RIN3: variants seen among roughly 807,000 people sequenced by gnomAD.
The protein encoded by RIN3 is RAB5 interacting protein 3.
In RIN3, 54 loss-of-function variants were observed where a neutral mutation model predicts 76.3. The observed-to-expected ratio is 0.71, with a 90% confidence interval of 0.57 to 0.89. The LOEUF (loss-of-function observed/expected upper bound fraction) is 0.89, where lower values mean the gene tolerates loss of function less well. RIN3 is among the 40% of genes least tolerant of loss of function. The pLI is 0.00. For missense variants in RIN3, 1,256 were observed against 1,322.1 expected (o/e 0.95, Z 0.78); for synonymous variants, 576 against 564.0 (o/e 1.02, Z -0.30).
Position 92,514,973 on chromosome 14 carries a change from G to A in RIN3, c.44+997G>A, listed in dbSNP as rs560711290. Reference sequence around the variant, plus strand: ...CCTGCCGCTCCCTGGCTTGGCAGTGGGACCTCATCTCCCAGGCCCTCAGTT... The same window carrying A: ...CCTGCCGCTCCCTGGCTTGGCAGTGAGACCTCATCTCCCAGGCCCTCAGTT... On this transcript the variant is annotated intron_variant, in intron 1 of 9. Coordinates refer to ENST00000216487, the MANE Select transcript of RIN3 (RefSeq NM_024832.5). The surrounding 1 kb of genome is among the most constrained non-coding windows in gnomAD (Gnocchi z 7.2). 7.9e-5 allele frequency among the ~76,000 whole-genome samples: 12 copies of A among 152,156 alleles called. No homozygotes were observed. Among genetic ancestry groups the A allele is most frequent in the Non-Finnish European group, 1.3e-4 (9 of 68,018 alleles).
At chr14:92,604,909 C>CTTTTTTT (rs148326639) in intron 3 of RIN3, among the ~76,000 whole-genome samples, 23 of 90,068 alleles carry the variant, frequency 2.6e-4, no homozygotes, top group Admixed American at 3.6e-4. Flanking sequence ...CCATTTTCCT[C>CTTTTTTT]TTTTTTTTTT....
At chr14:92,546,189 G>T (rs59911846) in intron 1 of RIN3, among the ~76,000 whole-genome samples, 43,522 of 151,734 alleles carry the variant, frequency 0.29, 6,752 homozygotes, top group Middle Eastern at 0.4. Context: ...CTTCCCAAAG[G>T]GCTGGGATTA....
rs549761967 is a variant in RIN3 at position 92,514,429 on chromosome 14, C to A, written c.44+453C>A. Among the ~76,000 whole-genome samples the A allele has an allele frequency of 1.8e-3, 281 of 152,358 alleles. 4 individuals carry two copies. In the Middle Eastern group the frequency reaches 0.02, roughly 11 times the overall value. ...CGCGCCCTCGGGTACTAGAGCCCCG[C>A]TGGGCGTGGGGTCGGAGACCCGGAC... On this transcript the variant is annotated intron_variant, in intron 1 of 9. Transcript: ENST00000216487. The surrounding 1 kb of genome is among the most constrained non-coding windows in gnomAD (Gnocchi z 7.2).
intron 2 of RIN3, among the ~76,000 whole-genome samples, chr14:92,576,644 CTCAG>C (rs1252193177): frequency 1.3e-5 from 2 of 152,162 alleles, no homozygotes; most frequent in Non-Finnish European, 2.9e-5. Context: ...CAGGTATTAA[CTCAG>C]TCAGTCATCA....
intron 7 of RIN3, among the ~76,000 whole-genome samples, chr14:92,665,448 G>C (rs567941838): frequency 2.9e-5 from 4 of 138,096 alleles, no homozygotes; most frequent in African/African-American, 1.1e-4. Context: ...GCGCAATCTC[G>C]GCTCACTGCA....
At chr14:92,668,366 C>G (rs1406607394) in intron 7 of RIN3, among the ~76,000 whole-genome samples, 2 of 152,226 alleles carry the variant, frequency 1.3e-5, no homozygotes, top group Non-Finnish European at 2.9e-5. Context: ...AACCTCATGC[C>G]TTTTCAAGCC....
intron 2 of RIN3, among the ~76,000 whole-genome samples, chr14:92,565,880 G>A (rs1897903275): frequency 6.6e-6 from 1 of 152,124 alleles, no homozygotes; most frequent in Non-Finnish European, 1.5e-5. Context: ...TGGGAATGCA[G>A]CCCAGCCGGT....
At chr14:92,518,086 G>A (rs752116168) in intron 1 of RIN3, among the ~76,000 whole-genome samples, 5 of 152,064 alleles carry the variant, frequency 3.3e-5, no homozygotes, top group African/African-American at 2.4e-5. Context: ...CTTTTTACAG[G>A]GCTCACCTCT....
chr14:92,563,357 G>A (rs1566844451), intron 2 of RIN3, among the ~76,000 whole-genome samples: 1 of 151,936 alleles, frequency 6.6e-6, no homozygotes, highest in Admixed American at 6.6e-5. Flanking sequence ...GCAAAACTCT[G>A]TCTCAAAACA....
intron 4 of RIN3, among the ~76,000 whole-genome samples, chr14:92,635,163 T>C (rs1886730149): frequency 6.6e-6 from 1 of 152,224 alleles, no homozygotes; most frequent in Non-Finnish European, 1.5e-5. Context: ...AAGCCGTGCA[T>C]GGCAGCACCA....
chr14:92,624,071 C>T (rs1886270038), intron 4 of RIN3, among the ~76,000 whole-genome samples: 1 of 152,284 alleles, frequency 6.6e-6, no homozygotes, highest in Non-Finnish European at 1.5e-5. Flanking sequence ...ACCTTGCGCA[C>T]AAGCGTAACA....
At chr14:92,530,793 T>A (rs1896862433) in intron 1 of RIN3, among the ~76,000 whole-genome samples, 1 of 152,158 alleles carries the variant, frequency 6.6e-6, no homozygotes, top group South Asian at 2.1e-4. Context: ...CTGGAAGGGA[T>A]GCTGCTGGAA....
rs1290563811 is a variant in RIN3 at position 92,652,980 on chromosome 14, T to A, written c.1931T>A (p.Ile644Asn). Reference sequence around the variant, plus strand: ...TCCAGCACGGAGATGCTGCAGGAGATTCGCACCATGATGACCCAGCTCAAG... The same window carrying A: ...TCCAGCACGGAGATGCTGCAGGAGAATCGCACCATGATGACCCAGCTCAAG... ...QTSSTEMLQEIRTMMTQLKSY... is the reference protein window; with the variant it reads ...QTSSTEMLQENRTMMTQLKSY... The change falls in exon 6 of 10, where the codon ATT becomes AAT. Residue 644 changes from isoleucine (I) to asparagine (N), a missense_variant. Around this residue, in one of 3 missense-constraint regions of RIN3, gnomAD observed 428 missense variants for 521.2 expected, o/e 0.82. Coordinates refer to ENST00000216487, the MANE Select transcript of RIN3 (RefSeq NM_024832.5). This position sits in a 1 kb window ranked among gnomAD's most constrained non-coding sequence, Gnocchi z 6.4. 6.2e-7 allele frequency: 1 copy of A among 1,613,360 alleles called. No individual in the cohort carries two copies. Among genetic ancestry groups the A allele is most frequent in the Admixed American group, 1.7e-5 (1 of 60,024 alleles).
chr14:92,534,306 G>A (rs914230637), intron 1 of RIN3, among the ~76,000 whole-genome samples: 40 of 150,180 alleles, frequency 2.7e-4, no homozygotes, highest in Non-Finnish European at 3.5e-4. Flanking sequence ...GGGGCTGGGC[G>A]TGGTGGCTCA....
chr14:92,627,437 A>G (rs898355013), intron 4 of RIN3, among the ~76,000 whole-genome samples: 1 of 152,246 alleles, frequency 6.6e-6, no homozygotes, highest in African/African-American at 2.4e-5. Context: ...AACCACAGAC[A>G]GGACCCACTC....
intron 3 of RIN3, among the ~76,000 whole-genome samples, chr14:92,601,711 C>A (rs1885351833): frequency 6.6e-6 from 1 of 152,166 alleles, no homozygotes; most frequent in African/African-American, 2.4e-5. Context: ...CCAACATGCA[C>A]CTCTTTCCAG....
At chr14:92,523,027 C>A (rs900085463) in intron 1 of RIN3, among the ~76,000 whole-genome samples, 1 of 152,196 alleles carries the variant, frequency 6.6e-6, no homozygotes, top group Admixed American at 6.5e-5. Context: ...TAGTAAGGGT[C>A]CCAAACATGT....
chr14:92,613,878 G>A (rs760763752), intron 3 of RIN3, among the ~76,000 whole-genome samples: 13 of 152,324 alleles, frequency 8.5e-5, no homozygotes, highest in South Asian at 2.1e-4. Context: ...GCCAGAGAGC[G>A]CTCATGTGGG....
At position 92,676,927 on chromosome 14, in the gene RIN3, A is replaced by G. The variant is rs1470459566; in HGVS notation, c.2467+321A>G. On this transcript the variant is annotated intron_variant, in intron 8 of 9. Coordinates refer to ENST00000216487, the MANE Select transcript of RIN3 (RefSeq NM_024832.5). ...CCTGGAGGAGGTGACATCTGAGCTGAGCAATGAAGGATAAATAGGAGCCAG... is the reference window on the plus strand; with the variant it reads ...CCTGGAGGAGGTGACATCTGAGCTGGGCAATGAAGGATAAATAGGAGCCAG... 5.3e-5 allele frequency among the ~76,000 whole-genome samples: 8 copies of G among 152,050 alleles called. No homozygotes were observed. In the East Asian group the frequency reaches 1.5e-3, roughly 29 times the overall value.
Sources: gnomAD v4.1 joint callset for allele counts (sites outside exome capture counted in the v4.1 genomes callset) on GRCh38, gnomAD v4.1.1 for gene constraint, gnomAD v4.1.1 regional missense constraint, Gnocchi (gnomAD v3.1) non-coding constraint, MANE v1.5 for transcripts, NCBI Gene and HGNC (gene_info 2026-07-23, HGNC 2026-07-21) for gene names.